SSH2: variants seen among roughly 807,000 people sequenced by gnomAD.
SSH2 encodes protein phosphatase Slingshot homolog 2.
SSH2 carries 37 observed loss-of-function variants against 135.2 expected under a neutral mutation model. The ratio of observed to expected loss-of-function variants is 0.27; its 90% CI spans 0.21 to 0.36. SSH2 has a LOEUF of 0.36. Ranked by LOEUF, SSH2 falls within the 10% of genes least tolerant of loss-of-function variation. SSH2 has a pLI of 1.00. For missense variants in SSH2, 1,408 were observed against 1,765.3 expected (o/e 0.80, Z 3.63); for synonymous variants, 628 against 646.2 (o/e 0.97, Z 0.43).
rs1159044850 is a variant in SSH2, at chr17:29,668,801, C to T, written c.810-1578G>A. Among the ~76,000 whole-genome samples the T allele has an allele frequency of 3.3e-5, 5 of 152,220 alleles. No individual in the cohort carries two copies. The East Asian group carries it at 9.7e-4, about 29-fold the overall frequency. On this transcript the variant is annotated intron_variant, in intron 9 of 15. Coordinates refer to ENST00000540801, the MANE Select transcript of SSH2 (RefSeq NM_001282129.2). ...TGTTCATGGGTCAGATTCCCTAGTTCCTAAGCAATTTTCCCCTCAATCCCT... is the reference window on the plus strand; with the variant it reads ...TGTTCATGGGTCAGATTCCCTAGTTTCTAAGCAATTTTCCCCTCAATCCCT...
intron 2 of SSH2, among the ~76,000 whole-genome samples, chr17:29,804,293 T>A (rs574534164): frequency 6.6e-6 from 1 of 152,216 alleles, no homozygotes; most frequent in African/African-American, 2.4e-5. Context: ...GTGAGACACC[T>A]ACTATTTCTC....
chr17:29,894,610 T>G (rs2066409561), intron 1 of SSH2, among the ~76,000 whole-genome samples: 1 of 152,100 alleles, frequency 6.6e-6, no homozygotes, highest in Non-Finnish European at 1.5e-5. Context: ...TTTTCCCAAA[T>G]AGTTTCAATC....
intron 1 of SSH2, among the ~76,000 whole-genome samples, chr17:29,907,367 G>T (rs937731624): frequency 1.3e-5 from 2 of 151,974 alleles, no homozygotes; most frequent in Non-Finnish European, 2.9e-5. Context: ...GGAGTGGGGG[G>T]AGGGAGAACA....
At chr17:29,896,610 A>G (rs1266314085) in intron 1 of SSH2, among the ~76,000 whole-genome samples, 2 of 151,248 alleles carry the variant, frequency 1.3e-5, no homozygotes, top group Non-Finnish European at 3.0e-5. Context: ...TTTTATCTAT[A>G]TGGTCCATTC....
intron 2 of SSH2, among the ~76,000 whole-genome samples, chr17:29,822,374 C>A (rs895534333): frequency 2.0e-5 from 3 of 148,740 alleles, no homozygotes; most frequent in Non-Finnish European, 4.5e-5. Flanking sequence ...TTTTTTTTTT[C>A]TTTCTGAGAT....
In SSH2 at chr17:29,667,228, G is replaced by A; in HGVS notation, c.810-5C>T. The A allele has an allele frequency of 3.2e-6, 5 of 1,549,846 alleles. No individual in the cohort carries two copies. The highest frequency in any genetic ancestry group is 3.5e-6 in the Non-Finnish European group (4 of 1,130,604). On this transcript the variant is annotated splice_polypyrimidine_tract_variant and splice_region_variant and intron_variant, in intron 9 of 15. Coordinates refer to ENST00000540801, the MANE Select transcript of SSH2 (RefSeq NM_001282129.2). The stretch of plus-strand genomic sequence containing the variant: ...GTTCGTTCACGTTCAGTAGGTCTGA[G>A]AAGAGAGAAATAACGATTATTCTTA...
At chr17:29,887,927 G>A (rs2066271682) in intron 1 of SSH2, among the ~76,000 whole-genome samples, 2 of 152,174 alleles carry the variant, frequency 1.3e-5, no homozygotes, top group Admixed American at 1.3e-4. Flanking sequence ...ATTAGTATAT[G>A]TGAAGATTAT....
At chr17:29,643,442 C>T (rs1411057933) in intron 14 of SSH2, 9 of 184,586 alleles carry the variant, frequency 4.9e-5, no homozygotes, top group Non-Finnish European at 9.0e-5. Context: ...CACGGAGTCT[C>T]GCTCTGTCAC....
At chr17:29,654,452 A>C (rs191375623) in intron 12 of SSH2, among the ~76,000 whole-genome samples, 2 of 152,216 alleles carry the variant, frequency 1.3e-5, no homozygotes, top group Admixed American at 6.5e-5. Flanking sequence ...AAAAGTAGGG[A>C]GTATTTATCC....
intron 3 of SSH2, among the ~76,000 whole-genome samples, chr17:29,758,016 C>T (rs1317874530): frequency 6.6e-6 from 1 of 151,982 alleles, no homozygotes; most frequent in Non-Finnish European, 1.5e-5. Flanking sequence ...CATTTCACTC[C>T]AGCCTGAGTG....
intron 3 of SSH2, among the ~76,000 whole-genome samples, chr17:29,705,924 G>A (rs2039182479): frequency 6.6e-6 from 1 of 151,978 alleles, no homozygotes; most frequent in Non-Finnish European, 1.5e-5. Flanking sequence ...ATTTATTTAG[G>A]TGTATACCTG....
chr17:29,651,300 G>C (rs1598723606), intron 12 of SSH2, among the ~76,000 whole-genome samples: 1 of 152,154 alleles, frequency 6.6e-6, no homozygotes, highest in Admixed American at 6.5e-5. Flanking sequence ...AGATTGTTAG[G>C]CTTTGTGCAA....
At chr17:29,857,308 A>G (rs905551348) in intron 1 of SSH2, among the ~76,000 whole-genome samples, 7 of 152,154 alleles carry the variant, frequency 4.6e-5, no homozygotes, top group African/African-American at 1.7e-4. Context: ...GTAAAGAGAG[A>G]GCTTGTGTGG....
chr17:29,766,431 C>A lies in SSH2; in HGVS notation c.188+27463G>T, dbSNP rs569364309. Among the ~76,000 whole-genome samples, 324 of 150,616 alleles carry A rather than the reference C, an allele frequency of 2.2e-3. 1 individual carries two copies. Among genetic ancestry groups the A allele is most frequent in the African/African-American group, 7.8e-3 (319 of 40,984 alleles). On this transcript the variant is annotated intron_variant, in intron 3 of 15. Coordinates refer to ENST00000540801, the MANE Select transcript of SSH2 (RefSeq NM_001282129.2). ...TAAGATCGCGCCACTGCACTCTAGT[C>A]GGGGCAACAGAGTGAGACGCTGTCT... is the stretch of plus-strand genomic sequence containing the variant.
chr17:29,863,382 TCCC>T (rs1481295843), intron 1 of SSH2: 1 of 152,214 alleles, frequency 6.6e-6, no homozygotes. Flanking sequence ...CAGCTTAGCC[TCCC>T]TGAAGCCCAG....
chr17:29,746,208 A>C (rs151218096), intron 3 of SSH2, among the ~76,000 whole-genome samples: 1 of 152,068 alleles, frequency 6.6e-6, no homozygotes, highest in African/African-American at 2.4e-5. Context: ...GAGAATTCAC[A>C]TCCTGCCACA....
In SSH2 at chr17:29,803,182, T is replaced by G. The variant is rs142932597; in HGVS notation, c.145-9245A>C. 2.1e-4 allele frequency among the ~76,000 whole-genome samples: 32 copies of G among 152,306 alleles called. 2 individuals carry two copies. In the East Asian group the frequency reaches 6.2e-3, roughly 29 times the overall value. Reference sequence around the variant, plus strand: ...GGTTATCTATTGCTTTATAACAAATTACTGCTTTATTATATTTTATGATTT... The same window carrying G: ...GGTTATCTATTGCTTTATAACAAATGACTGCTTTATTATATTTTATGATTT... On this transcript the variant is annotated intron_variant, in intron 2 of 15. Coordinates refer to ENST00000540801, the MANE Select transcript of SSH2 (RefSeq NM_001282129.2).
intron 14 of SSH2, among the ~76,000 whole-genome samples, chr17:29,646,363 C>T (rs993691714): frequency 1.3e-5 from 2 of 151,976 alleles, no homozygotes; most frequent in Admixed American, 6.5e-5. Flanking sequence ...GTTTTTGTGG[C>T]GAAAATAGCC....
rs923515039 is a variant in SSH2, at chr17:29,714,952, C to T, written c.189-11890G>A. 1.1e-4 allele frequency among the ~76,000 whole-genome samples: 17 copies of T among 152,074 alleles called. 1 individual carries two copies. The highest frequency in any genetic ancestry group is 4.8e-5 in the African/African-American group (2 of 41,408). ...TGCAATCTCGGCTCACTGCAACCTCCGCCTCCTGGGCTCAAGCAATTCTCC... is the reference window on the plus strand; with the variant it reads ...TGCAATCTCGGCTCACTGCAACCTCTGCCTCCTGGGCTCAAGCAATTCTCC... On this transcript the variant is annotated intron_variant, in intron 3 of 15. Coordinates refer to ENST00000540801, the MANE Select transcript of SSH2 (RefSeq NM_001282129.2).
Sources: gnomAD v4.1 joint callset for allele counts (sites outside exome capture counted in the v4.1 genomes callset) on GRCh38, gnomAD v4.1.1 for gene constraint, MANE v1.5 for transcripts, NCBI Gene and HGNC (gene_info 2026-07-23, HGNC 2026-07-21) for gene names.